The following C10orf105 variants were observed in gnomAD, a reference collection of about 807,000 sequenced individuals.
The protein encoded by C10orf105 is chromosome 10 open reading frame 105.
In C10orf105, 2 loss-of-function variants were observed where a neutral mutation model predicts 0.6. That is an observed-to-expected ratio of 3.18 (90% CI 1.30 to 10.01). C10orf105 has a LOEUF of 10.01. C10orf105 is among the 30% of genes most tolerant of loss of function. C10orf105 has a pLI of 0.04. For synonymous variants in C10orf105, 95 were observed against 82.4 expected, an observed-to-expected ratio of 1.15 and a Z score of -0.83; for missense variants, 209 against 191.4, an observed-to-expected ratio of 1.09 and a Z score of -0.54.
chr10:71,725,374 A>T, intron 1 of C10orf105: 1 of 1,613,956 alleles, frequency 6.2e-7, no homozygotes, highest in Non-Finnish European at 8.5e-7. Flanking sequence ...CCACACAGGT[A>T]ACCATGGCAA....
At chr10:71,732,149 A>G in intron 1 of C10orf105, 2 of 1,614,004 alleles carry the variant, frequency 1.2e-6, no homozygotes, top group East Asian at 2.2e-5. Flanking sequence ...CCGCCCTTCA[A>G]CCAGGGCTTC....
chr10:71,731,432 G>A (rs573537476), intron 1 of C10orf105, among the ~76,000 whole-genome samples: 6 of 152,340 alleles, frequency 3.9e-5, no homozygotes, highest in Admixed American at 1.3e-4. Flanking sequence ...CACATACGCG[G>A]CTGTGGCCCC....
intron 1 of C10orf105, among the ~76,000 whole-genome samples, chr10:71,736,125 G>A (rs1021389304): frequency 2.6e-5 from 4 of 152,218 alleles, no homozygotes; most frequent in Non-Finnish European, 2.9e-5. Context: ...TCCTCAGCAC[G>A]GCTGTTGAGG....
In C10orf105 at chr10:71,712,407, C is replaced by T; in HGVS notation, c.*3529G>A. 1 of 440,316 alleles carries T rather than the reference C, an allele frequency of 2.3e-6. No individual in the cohort carries two copies. The allele number at this position is 440,316 out of a possible 1,614,324, so 27.3% of individuals were successfully genotyped here. A position where few individuals can be genotyped will look rare whatever the true frequency, so the allele number is the denominator to read the frequency against. On this transcript the variant is annotated 3_prime_UTR_variant, in exon 2 of 2. Transcript: ENST00000441508. ...TACCTCCTCTGTAAAATGGGGATGA[C>T]AGTAAAGTGTCTGCTTCATGGGGTT...
rs377126049 is a variant in C10orf105, at chr10:71,712,711, C to T, written c.*3225G>A. On this transcript the variant is annotated 3_prime_UTR_variant, in exon 2 of 2. Transcript: ENST00000441508. ...GACACACGGGCACAGCCACCGTGTT[C>T]GTCACTGTCCTGGATGTGAATGACA... The T allele has an allele frequency of 5.5e-5, 88 of 1,613,602 alleles. No individual in the cohort carries two copies. The highest frequency in any genetic ancestry group is 1.6e-4 in the Middle Eastern group (1 of 6,084).
At chr10:71,724,332 G>A (rs368770664), upstream of C10orf105, among the ~76,000 whole-genome samples, 5 of 152,158 alleles carry the variant, frequency 3.3e-5, no homozygotes, top group East Asian at 3.9e-4. Context: ...TCCCTCTGTC[G>A]CCCAGGCTGG....
Position 71,713,295 on chromosome 10 carries a change from G to C in C10orf105, c.*2641C>G, listed in dbSNP as rs1250320242. On this transcript the variant is annotated 3_prime_UTR_variant, in exon 2 of 2. Transcript: ENST00000441508. ...GCAGGCGCAACAGCTCCAAGGCTCA[G>C]AGGGAGAGAAGGGAGGACCCTGAAA... The C allele has an allele frequency of 2.6e-6, 2 of 779,238 alleles. No homozygotes were observed. Among genetic ancestry groups the C allele is most frequent in the Middle Eastern group, 2.2e-4 (1 of 4,464 alleles). The allele number at this position is 779,238 out of a possible 1,614,324, so 48.3% of individuals were successfully genotyped here.
intron 1 of C10orf105, chr10:71,731,859 C>G: frequency 1.1e-6 from 1 of 894,836 alleles, no homozygotes; most frequent in Non-Finnish European, 1.7e-6. Context: ...GATGATCCTG[C>G]CGGCAGAGGT....
At position 71,725,514 on chromosome 10, in the gene C10orf105, C is replaced by T. The variant is rs898833044; in HGVS notation, c.-5-9172G>A. 2.2e-5 allele frequency: 36 copies of T among 1,612,886 alleles called. No homozygotes were observed. The highest frequency in any genetic ancestry group is 8.4e-5 in the Admixed American group (5 of 59,876). ...ACGACCTGGGCCCCATGCGGAGCTC[C>T]GTCAGGGTGAGGCTAGGGGCGGGCT... On this transcript the variant is annotated intron_variant, in intron 1 of 1. Coordinates refer to the C10orf105 transcript ENST00000398786.
At chr10:71,731,927 C>T (rs2132824184) in intron 1 of C10orf105, 2 of 1,540,888 alleles carry the variant, frequency 1.3e-6, no homozygotes, top group South Asian at 1.2e-5. Flanking sequence ...GCTTGAGAAG[C>T]CACAGCGCAG....
At position 71,715,778 on chromosome 10, in the gene C10orf105, G is replaced by C. The variant is rs1866188555; in HGVS notation, c.*158C>G. The C allele has an allele frequency of 3.3e-6, 2 of 603,474 alleles. No homozygotes were observed. The highest frequency in any genetic ancestry group is 5.4e-6 in the Non-Finnish European group (2 of 373,654). The allele number at this position is 603,474 out of a possible 1,614,324, so 37.4% of individuals were successfully genotyped here. A position where few individuals can be genotyped will look rare whatever the true frequency, so the allele number is the denominator to read the frequency against. ...TCTTCTGAGGATCATCTTTGGGAAA[G>C]GGCGCTGGCCTGGGCATGCAAGGAG... On this transcript the variant is annotated 3_prime_UTR_variant, in exon 2 of 2. Coordinates refer to ENST00000441508, the MANE Select transcript of C10orf105 (RefSeq NM_001164375.3).
intron 1 of C10orf105, chr10:71,734,593 G>A (rs376043334): frequency 1.9e-4 from 297 of 1,594,090 alleles, no homozygotes; most frequent in Non-Finnish European, 2.4e-4. Context: ...AGCCACAGAC[G>A]GCTAACCATT....
chr10:71,718,076 G>A (rs1244694004), intron 1 of C10orf105, among the ~76,000 whole-genome samples: 1 of 152,164 alleles, frequency 6.6e-6, no homozygotes, highest in Non-Finnish European at 1.5e-5. Context: ...TAACCTTGGG[G>A]TCTTTCCTTT....
At chr10:71,730,654 CCCCAGCTCA>C in intron 1 of C10orf105, 1 of 1,605,744 alleles carries the variant, frequency 6.2e-7, no homozygotes, top group Non-Finnish European at 8.5e-7. Flanking sequence ...GAGCAAACCT[CCCCAGCTCA>C]CCCAGCCCCT....
At chr10:71,724,064 A>T, upstream of C10orf105, 1 of 1,560,870 alleles carries the variant, frequency 6.4e-7, no homozygotes, top group East Asian at 2.4e-5. Flanking sequence ...ACGGACGCAG[A>T]TGAGGGCGAG....
intron 1 of C10orf105, chr10:71,734,767 G>A: frequency 1.5e-6 from 1 of 657,518 alleles, no homozygotes; most frequent in Non-Finnish European, 2.6e-6. Context: ...GAAGGCACGT[G>A]GACAGGCCTG....
In C10orf105 at chr10:71,712,988, C is replaced by T. The variant is rs113324625; in HGVS notation, c.*2948G>A. The T allele has an allele frequency of 2.0e-4, 163 of 811,932 alleles. No individual in the cohort carries two copies. In the African/African-American group the frequency reaches 2.2e-3, roughly 11 times the overall value. The allele number at this position is 811,932 out of a possible 1,614,324, so 50.3% of individuals were successfully genotyped here. Reference sequence around the variant, plus strand: ...GGGGGACCCAGGCCCTCTCCCATCCCAGGGAGTGTGGGCCCCCAGGTTGCA... The same window carrying T: ...GGGGGACCCAGGCCCTCTCCCATCCTAGGGAGTGTGGGCCCCCAGGTTGCA... On this transcript the variant is annotated 3_prime_UTR_variant, in exon 2 of 2. Coordinates refer to ENST00000441508, the MANE Select transcript of C10orf105 (RefSeq NM_001164375.3).
At chr10:71,718,666 A>G (rs775288236) in intron 1 of C10orf105, among the ~76,000 whole-genome samples, 1 of 152,222 alleles carries the variant, frequency 6.6e-6, no homozygotes, top group African/African-American at 2.4e-5. Context: ...AGATGCCTCA[A>G]TCCTACTAGT....
intron 1 of C10orf105, among the ~76,000 whole-genome samples, chr10:71,735,860 C>G (rs1399836588): frequency 6.6e-6 from 1 of 152,208 alleles, no homozygotes; most frequent in Non-Finnish European, 1.5e-5. Flanking sequence ...GCTATGCTCC[C>G]CAAGGGCAGC....
Sources: allele counts gnomAD v4.1 joint callset (sites outside exome capture counted in the v4.1 genomes callset), GRCh38; gene constraint gnomAD v4.1.1; transcripts MANE v1.5; gene names NCBI Gene and HGNC (gene_info 2026-07-23, HGNC 2026-07-21).